The following AP2A2 variants were observed in gnomAD, a reference collection of about 807,000 sequenced individuals.
AP2A2 encodes AP-2 complex subunit alpha-2.
AP2A2 carries 32 observed loss-of-function variants against 104.2 expected under a neutral mutation model. The ratio of observed to expected loss-of-function variants is 0.31; its 90% CI spans 0.23 to 0.41. The LOEUF (loss-of-function observed/expected upper bound fraction) is 0.41, where lower values mean the gene tolerates loss of function less well. Among genes scored for constraint, AP2A2 ranks in the 10% least tolerant of loss-of-function variants. The pLI is 1.00. For synonymous variants in AP2A2, 539 were observed against 533.3 expected (o/e 1.01, Z -0.15); for missense variants, 912 against 1,261.0 (o/e 0.72, Z 4.19).
intron 1 of AP2A2, among the ~76,000 whole-genome samples, chr11:928,914 C>T (rs1418213664): frequency 6.6e-6 from 1 of 152,162 alleles, no homozygotes; most frequent in African/African-American, 2.4e-5. Flanking sequence ...CCATCTCCCC[C>T]ACTGCCCTCT....
chr11:939,174 C>T (rs980275774), intron 1 of AP2A2, among the ~76,000 whole-genome samples: 1 of 150,070 alleles, frequency 6.7e-6, no homozygotes, highest in Admixed American at 6.6e-5. Context: ...TCACTCGAAC[C>T]CGGGAGGTGG....
At chr11:933,884 G>A (rs1481946961) in intron 1 of AP2A2, among the ~76,000 whole-genome samples, 6 of 152,258 alleles carry the variant, frequency 3.9e-5, no homozygotes, top group South Asian at 4.1e-4. Flanking sequence ...GATTTTAAAC[G>A]TTTGTTGCCT....
chr11:974,700 A>AAAGAG (rs1554887917), intron 4 of AP2A2, among the ~76,000 whole-genome samples: 8 of 149,736 alleles, frequency 5.3e-5, no homozygotes, highest in Non-Finnish European at 1.2e-4. Flanking sequence ...AAAAAAAAAA[A>AAAGAG]AGAAAGCTGG....
chr11:935,379 G>A (rs1853419162), intron 1 of AP2A2, among the ~76,000 whole-genome samples: 1 of 151,856 alleles, frequency 6.6e-6, no homozygotes, highest in South Asian at 2.1e-4. Context: ...TTTTGGCCAG[G>A]CTATTCTCAA....
chr11:980,694 G>A (rs1420669749), intron 5 of AP2A2, among the ~76,000 whole-genome samples: 5 of 152,260 alleles, frequency 3.3e-5, no homozygotes, highest in African/African-American at 1.2e-4. Context: ...GTGGTTGAGT[G>A]ACTGCCAGGG....
chr11:934,434 C>G lies in AP2A2; in HGVS notation c.67+8346C>G, dbSNP rs114844241. ...AGCCACTGCGCCCAGCCCTTTCCCA[C>G]CTTTTCAAATTGTAGCCCTGTCGAG... On this transcript the variant is annotated intron_variant, in intron 1 of 21. Coordinates refer to ENST00000448903, the MANE Select transcript of AP2A2 (RefSeq NM_012305.4). 8.0e-3 allele frequency among the ~76,000 whole-genome samples: 1,213 copies of G among 152,224 alleles called. 24 individuals carry two copies. Among genetic ancestry groups the G allele is most frequent in the African/African-American group, 0.028 (1,167 of 41,516 alleles).
At chr11:944,745 G>A (rs576649371) in intron 1 of AP2A2, among the ~76,000 whole-genome samples, 1 of 152,274 alleles carries the variant, frequency 6.6e-6, no homozygotes, top group South Asian at 2.1e-4. Context: ...AGTTAGTGGG[G>A]AGGGCGTCTT....
At chr11:942,794 G>A (rs774499370) in intron 1 of AP2A2, among the ~76,000 whole-genome samples, 3 of 152,198 alleles carry the variant, frequency 2.0e-5, no homozygotes, top group African/African-American at 7.2e-5. Context: ...CCCTTAGGTC[G>A]AGTGTTGCTG....
intron 6 of AP2A2, among the ~76,000 whole-genome samples, chr11:983,818 G>A (rs544119479): frequency 7.2e-5 from 11 of 152,344 alleles, no homozygotes; most frequent in African/African-American, 2.6e-4. Context: ...GACAGCTCAT[G>A]TTGGCCGTGT....
rs1854702449 is a variant in AP2A2 at position 968,483 on chromosome 11, C to T, written c.137-1686C>T. 6.6e-6 allele frequency among the ~76,000 whole-genome samples: 1 copy of T among 152,190 alleles called. No individual in the cohort carries two copies. The highest frequency in any genetic ancestry group is 1.5e-5 in the Non-Finnish European group (1 of 68,042). On this transcript the variant is annotated intron_variant, in intron 2 of 21. Transcript: ENST00000448903. The surrounding 1 kb of genome is among the most constrained non-coding windows in gnomAD (Gnocchi z 4.2). Reference sequence around the variant, plus strand: ...CCATCCCTGTCCCACAAAACTCAGCCCAGTCGGGCCGCTGGTCCTCTCCCC... The same window carrying T: ...CCATCCCTGTCCCACAAAACTCAGCTCAGTCGGGCCGCTGGTCCTCTCCCC...
chr11:994,329 G>A, intron 14 of AP2A2, 84 bp downstream of exon 14: 1 of 1,536,396 alleles, frequency 6.5e-7, no homozygotes, highest in Non-Finnish European at 8.9e-7. Context: ...TGCCTGTCAG[G>A]GAGGAGCATG....
chr11:954,050 G>A (rs1456628420), intron 1 of AP2A2, among the ~76,000 whole-genome samples: 1 of 152,232 alleles, frequency 6.6e-6, no homozygotes, highest in South Asian at 2.1e-4. Flanking sequence ...GGCCAGGCTG[G>A]TCTTGAACTC....
At chr11:974,864 A>C (rs1250420944) in intron 4 of AP2A2, among the ~76,000 whole-genome samples, 1 of 151,622 alleles carries the variant, frequency 6.6e-6, no homozygotes, top group Non-Finnish European at 1.5e-5. Context: ...GCCCTCCTGT[A>C]GTCCCAGTTA....
At chr11:926,590 C>T (rs1473038025) in intron 1 of AP2A2, among the ~76,000 whole-genome samples, 1 of 152,130 alleles carries the variant, frequency 6.6e-6, no homozygotes, top group Non-Finnish European at 1.5e-5. Context: ...TCCAAAACGG[C>T]GTGGATTTTA....
intron 1 of AP2A2, among the ~76,000 whole-genome samples, chr11:927,204 G>A (rs1277512401): frequency 1.3e-5 from 2 of 151,912 alleles, no homozygotes; most frequent in Non-Finnish European, 2.9e-5. Flanking sequence ...GACTACAAGC[G>A]TGCACCACCA....
At chr11:991,867 G>T (rs987276842) in intron 10 of AP2A2, among the ~76,000 whole-genome samples, 1 of 152,168 alleles carries the variant, frequency 6.6e-6, no homozygotes, top group Non-Finnish European at 1.5e-5. Flanking sequence ...GCTGTTCGAA[G>T]GGGGCTTGGT....
In AP2A2 at chr11:992,019, G is replaced by A. The variant is rs1855672527; in HGVS notation, c.1270-484G>A. On this transcript the variant is annotated intron_variant, in intron 10 of 21. Coordinates refer to ENST00000448903, the MANE Select transcript of AP2A2 (RefSeq NM_012305.4). This position sits in a 1 kb window ranked among gnomAD's most constrained non-coding sequence, Gnocchi z 6.4. The stretch of plus-strand genomic sequence containing the variant: ...AGAGTGAGCCAGAGAGGGGAAGAAG[G>A]GGAACCCCCAGGTGAGGCTCGCAGG... Among the ~76,000 whole-genome samples, 3 of 152,166 alleles carry A rather than the reference G, an allele frequency of 2.0e-5. No homozygotes were observed. The highest frequency in any genetic ancestry group is 4.8e-5 in the African/African-American group (2 of 41,442).
intron 1 of AP2A2, among the ~76,000 whole-genome samples, chr11:939,118 C>G (rs1444401699): frequency 2.0e-5 from 3 of 151,480 alleles, no homozygotes; most frequent in Non-Finnish European, 4.4e-5. Context: ...GAGTGTGGTG[C>G]TGGGCACCTG....
intron 16 of AP2A2, among the ~76,000 whole-genome samples, chr11:1,005,293 TTCG>T (rs1167525178): frequency 6.6e-6 from 1 of 152,180 alleles, no homozygotes; most frequent in African/African-American, 2.4e-5. Context: ...GAGCAGTGAC[TTCG>T]TAGAGACAGA....
Sources: gnomAD v4.1 joint callset for allele counts (sites outside exome capture counted in the v4.1 genomes callset) on GRCh38, gnomAD v4.1.1 for gene constraint, Gnocchi (gnomAD v3.1) non-coding constraint, MANE v1.5 for transcripts, NCBI Gene and HGNC (gene_info 2026-07-23, HGNC 2026-07-21) for gene names.